The following C20orf96 variants were observed in gnomAD, a reference collection of about 807,000 sequenced individuals.
The protein encoded by C20orf96 is chromosome 20 open reading frame 96.
In C20orf96, 57 loss-of-function variants were observed where a neutral mutation model predicts 52.6. That is an observed-to-expected ratio of 1.08 (90% CI 0.88 to 1.35). The LOEUF is 1.35. Among genes scored for constraint, C20orf96 ranks in the 40% most tolerant of loss-of-function variants. C20orf96 has a pLI of 0.00. For missense variants in C20orf96, 478 were observed against 443.6 expected (o/e 1.08, Z -0.70); for synonymous variants, 168 against 157.2 (o/e 1.07, Z -0.51).
chr20:287,487 T>G (rs937514088), intron 3 of C20orf96, among the ~76,000 whole-genome samples: 31 of 152,234 alleles, frequency 2.0e-4, no homozygotes, highest in Non-Finnish European at 1.8e-4. Context: ...TCTCTTCATG[T>G]CTTTTTCCCA....
chr20:290,731 T>C lies in C20orf96; in HGVS notation c.-121A>G. Reference sequence around the variant, plus strand: ...CGCGGTAACCCAGGCCACTCAGAAGTCCCGAGACCCGATGCTTTCGCCAGC... The same window carrying C: ...CGCGGTAACCCAGGCCACTCAGAAGCCCCGAGACCCGATGCTTTCGCCAGC... On this transcript the variant is annotated 5_prime_UTR_variant, in exon 1 of 11. Transcript: ENST00000360321. The C allele has an allele frequency of 8.4e-7, 1 of 1,192,454 alleles. No homozygotes were observed. Among genetic ancestry groups the C allele is most frequent in the South Asian group, 1.4e-5 (1 of 73,636 alleles). The allele number at this position is 1,192,454 out of a possible 1,614,324, so 73.9% of individuals were successfully genotyped here. A position where few individuals can be genotyped will look rare whatever the true frequency, so the allele number is the denominator to read the frequency against.
At chr20:276,716 G>T in intron 9 of C20orf96, 77 bp downstream of exon 9, 1 of 1,564,396 alleles carries the variant, frequency 6.4e-7, no homozygotes, top group South Asian at 1.2e-5. Flanking sequence ...GGAGAAGCCT[G>T]ACTCATTCCC....
At chr20:279,761 A>G (rs1291349432) in intron 4 of C20orf96, among the ~76,000 whole-genome samples, 2 of 152,062 alleles carry the variant, frequency 1.3e-5, no homozygotes, top group African/African-American at 2.4e-5. Context: ...CACGAGGTCA[A>G]GAGTTCGAGA....
chr20:290,589 A>G lies in C20orf96; in HGVS notation c.20+2T>C, dbSNP rs767300766. The G allele has an allele frequency of 4.7e-6, 7 of 1,475,564 alleles. No individual in the cohort carries two copies. The highest frequency in any genetic ancestry group is 6.3e-6 in the Non-Finnish European group (7 of 1,117,384). The allele number at this position is 1,475,564 out of a possible 1,614,324, so 91.4% of individuals were successfully genotyped here. A position where few individuals can be genotyped will look rare whatever the true frequency, so the allele number is the denominator to read the frequency against. On this transcript the variant is annotated splice_donor_variant, in intron 1 of 10. Coordinates refer to ENST00000360321, the MANE Select transcript of C20orf96 (RefSeq NM_153269.3). LOFTEE classifies it high-confidence loss of function. ...TTTTTTTTTTTTTTTTTTTTTACCT[A>G]CTTTTGTAAGACATGCGCCATTGGG...
In C20orf96 at chr20:271,243, G is replaced by T; in HGVS notation, c.1056C>A (p.Ile352=). The T allele has an allele frequency of 1.3e-6, 2 of 1,556,858 alleles. No individual in the cohort carries two copies. The highest frequency in any genetic ancestry group is 1.2e-5 in the South Asian group (1 of 84,230). ...RPKCTPDMDV[I]LNIPVEEPLP... The stretch of plus-strand genomic sequence containing the variant: ...GTGGCTCTTCCACAGGAATGTTGAG[G>T]ATGACATCCATGTCTGGGGTGCACC... The change falls in exon 11 of 11, where the codon ATC becomes ATA. Residue 352 remains isoleucine (I), a synonymous_variant. Transcript: ENST00000360321.
Position 276,114 on chromosome 20 carries a change from A to G in C20orf96, c.913-28T>C, listed in dbSNP as rs575839927. 6.2e-6 allele frequency: 10 copies of G among 1,601,920 alleles called. No individual in the cohort carries two copies. In the African/African-American group the frequency reaches 1.5e-4, roughly 24 times the overall value. ...GAGAGGAAAGGCACAGCAGGGGAGA[A>G]GGGAGAGGCAAATGGCCCCCAACCA... On this transcript the variant is annotated intron_variant, in intron 9 of 10. Coordinates refer to ENST00000360321, the MANE Select transcript of C20orf96 (RefSeq NM_153269.3).
At chr20:271,374 G>A in intron 10 of C20orf96, 107 bp from the exon 11 acceptor site, 1 of 869,832 alleles carries the variant, frequency 1.1e-6, no homozygotes. Flanking sequence ...ACTTGGGTTG[G>A]GGGGCAATCC....
At chr20:279,840 C>T (rs2012204537) in intron 4 of C20orf96, among the ~76,000 whole-genome samples, 4 of 152,126 alleles carry the variant, frequency 2.6e-5, no homozygotes, top group South Asian at 2.1e-4. Flanking sequence ...CGTGGTGGCG[C>T]GTGCCTGTAA....
intron 3 of C20orf96, among the ~76,000 whole-genome samples, chr20:287,969 C>T (rs1173681764): frequency 2.1e-5 from 3 of 143,252 alleles, no homozygotes; most frequent in Non-Finnish European, 4.6e-5. Context: ...TGATGCAGTC[C>T]AATTCATCTA....
Position 277,036 on chromosome 20 carries a change from C to G in C20orf96, c.825+8G>C. The G allele has an allele frequency of 6.2e-7, 1 of 1,611,732 alleles. No homozygotes were observed. Among genetic ancestry groups the G allele is most frequent in the Non-Finnish European group, 8.5e-7 (1 of 1,178,536 alleles). ...ATCCCCGCTCCCACACAGCAACTGG[C>G]TACTCACCGCCACCACAGAACTCAG... On this transcript the variant is annotated splice_region_variant and intron_variant, in intron 8 of 10. Transcript: ENST00000360321.
At chr20:281,929 T>C (rs6081964) in intron 4 of C20orf96, among the ~76,000 whole-genome samples, 97,515 of 152,132 alleles carry the variant, frequency 0.64, 32,593 homozygotes, top group African/African-American at 0.85. Context: ...ATCATGCCAC[T>C]GCGCTCCAGC....
chr20:283,894 CAT>C (rs1430703626), intron 4 of C20orf96, 67 bp downstream of exon 4: 13 of 1,105,550 alleles, frequency 1.2e-5, no homozygotes, highest in Non-Finnish European at 1.7e-5. Flanking sequence ...GTTCTCAGCA[CAT>C]GTTTGCTACA....
At position 279,215 on chromosome 20, in the gene C20orf96, G is replaced by A; in HGVS notation, c.422C>T (p.Thr141Ile). 6.2e-7 allele frequency: 1 copy of A among 1,609,514 alleles called. No individual in the cohort carries two copies. Among genetic ancestry groups the A allele is most frequent in the South Asian group, 1.1e-5 (1 of 90,990 alleles). The change falls in exon 5 of 11, where the codon ACC becomes ATC. Residue 141 changes from threonine to isoleucine, a missense_variant. Transcript: ENST00000360321. ...CTGCAGCAGGGCCCGCACGTGCAGG[G>A]TCGTGCTGTTCTCCATCTCCTGGAT... is the stretch of plus-strand genomic sequence containing the variant. The part of the protein sequence containing the change: ...ETIQEMENST[T>I]LHVRALLQQQ...
intron 10 of C20orf96, among the ~76,000 whole-genome samples, chr20:272,648 G>A (rs2011879130): frequency 6.6e-6 from 1 of 152,002 alleles, no homozygotes; most frequent in Non-Finnish European, 1.5e-5. Flanking sequence ...GAGCCACCAT[G>A]CCTGCCTCCA....
At chr20:276,461 T>C (rs1454538341) in intron 9 of C20orf96, 2 of 985,302 alleles carry the variant, frequency 2.0e-6, no homozygotes, top group Non-Finnish European at 2.4e-6. Context: ...GTGAAGTTCA[T>C]TAACACTGAT....
intron 3 of C20orf96, among the ~76,000 whole-genome samples, chr20:288,199 C>G (rs373974572): frequency 0.036 from 650 of 17,926 alleles, 11 homozygotes; most frequent in African/African-American, 0.12. Context: ...TTTTTTTTTG[C>G]CTATGGGTGT....
intron 10 of C20orf96, among the ~76,000 whole-genome samples, chr20:272,665 CT>C (rs1238889859): frequency 3.9e-5 from 6 of 152,096 alleles, no homozygotes; most frequent in African/African-American, 1.2e-4. Flanking sequence ...TCCAAATAAA[CT>C]TTTTGACTGT....
intron 3 of C20orf96, among the ~76,000 whole-genome samples, chr20:289,246 T>C (rs986165327): frequency 6.7e-6 from 1 of 150,336 alleles, no homozygotes; most frequent in Non-Finnish European, 1.5e-5. Flanking sequence ...TTGTTCTCTC[T>C]CTTCCCTCTA....
intron 9 of C20orf96, 30 bp downstream of exon 9, chr20:276,763 C>G (rs367592807): frequency 1.7e-5 from 27 of 1,604,432 alleles, no homozygotes; most frequent in Non-Finnish European, 1.8e-5. Flanking sequence ...TGCTTCCCTA[C>G]AGGGACCACC....
Sources: allele counts gnomAD v4.1 joint callset (sites outside exome capture counted in the v4.1 genomes callset), GRCh38; gene constraint gnomAD v4.1.1; transcripts MANE v1.5; gene names NCBI Gene and HGNC (gene_info 2026-07-23, HGNC 2026-07-21).